Variants in MTUS2 observed in about 807,000 individuals in gnomAD.
MTUS2 encodes microtubule-associated tumor suppressor candidate 2.
Under a neutral mutation model 114.1 loss-of-function variants are expected in MTUS2, and 40 were observed. That is an observed-to-expected ratio of 0.35 (90% CI 0.27 to 0.46). MTUS2 has a LOEUF of 0.46. MTUS2 is among the 20% of genes least tolerant of loss of function. The pLI, the probability that MTUS2 is intolerant of heterozygous loss-of-function variation, is 1.00. For missense variants in MTUS2, 1,679 were observed against 1,705.4 expected, an observed-to-expected ratio of 0.98 and a Z score of 0.27; for synonymous variants, 688 against 672.0, an observed-to-expected ratio of 1.02 and a Z score of -0.37.
At chr13:29,412,282 G>A (rs1281633040) in intron 8 of MTUS2, among the ~76,000 whole-genome samples, 1 of 152,146 alleles carries the variant, frequency 6.6e-6, no homozygotes, top group Non-Finnish European at 1.5e-5. Flanking sequence ...GTTTTCTTGA[G>A]TGCTGTTAAC....
chr13:29,139,402 C>T (rs1892120990), intron 5 of MTUS2, among the ~76,000 whole-genome samples: 1 of 152,166 alleles, frequency 6.6e-6, no homozygotes, highest in Non-Finnish European at 1.5e-5. Flanking sequence ...CTTAGGGCCA[C>T]AGTTAGGCAA....
At chr13:29,366,187 T>C (rs1870697473) in intron 8 of MTUS2, among the ~76,000 whole-genome samples, 1 of 152,214 alleles carries the variant, frequency 6.6e-6, no homozygotes, top group African/African-American at 2.4e-5. Context: ...GAAAGAGGTT[T>C]AATGAACTCA....
intron 7 of MTUS2, among the ~76,000 whole-genome samples, chr13:29,348,290 A>T (rs9508397): frequency 0.73 from 110,449 of 151,440 alleles, 44,345 homozygotes; most frequent in East Asian, 0.9. Context: ...GAGCTTTGTG[A>T]CAGGAACTGG....
chr13:29,437,353 G>C (rs1877487503), intron 8 of MTUS2, among the ~76,000 whole-genome samples: 3 of 152,140 alleles, frequency 2.0e-5, no homozygotes. Flanking sequence ...AACGTGTTTA[G>C]GAATTAGAGA....
At chr13:28,901,890 A>G (rs1879667204) in intron 2 of MTUS2, among the ~76,000 whole-genome samples, 1 of 152,174 alleles carries the variant, frequency 6.6e-6, no homozygotes, top group South Asian at 2.1e-4. Context: ...ACAAACAAAA[A>G]CCTTGATGGG....
intron 5 of MTUS2, among the ~76,000 whole-genome samples, chr13:29,108,238 G>C (rs1233624266): frequency 6.6e-6 from 1 of 152,204 alleles, no homozygotes; most frequent in African/African-American, 2.4e-5. Flanking sequence ...GGTGGCTTGT[G>C]AGGTCAGACT....
intron 4 of MTUS2, among the ~76,000 whole-genome samples, chr13:29,054,228 G>A (rs1489687543): frequency 6.6e-6 from 1 of 152,076 alleles, no homozygotes; most frequent in Non-Finnish European, 1.5e-5. Flanking sequence ...TGAAGTGTGT[G>A]TTCAAATCCT....
chr13:29,048,999 C>G lies in MTUS2; in HGVS notation c.2446+14874C>G, dbSNP rs542246021. 2.5e-3 allele frequency among the ~76,000 whole-genome samples: 381 copies of G among 152,294 alleles called. 2 individuals carry two copies. Among genetic ancestry groups the G allele is most frequent in the African/African-American group, 8.8e-3 (364 of 41,572 alleles). On this transcript the variant is annotated intron_variant, in intron 4 of 15. Transcript: ENST00000612955. ...ATCATTCTGGGTTTTGCTTTTCAGC[C>G]TTATTAGGCGTGTACTGATCAGCAA...
At chr13:28,940,168 T>C (rs1020048554) in intron 2 of MTUS2, among the ~76,000 whole-genome samples, 12 of 152,142 alleles carry the variant, frequency 7.9e-5, no homozygotes, top group Non-Finnish European at 1.3e-4. Flanking sequence ...GTTTGTGCAG[T>C]CATGTTCACA....
Position 28,846,055 on chromosome 13 carries a change from A to AAAAT in MTUS2, c.-243+6206_-243+6207insAATA, listed in dbSNP as rs140946282. On this transcript the variant is annotated intron_variant, in intron 2 of 15. Transcript: ENST00000612955. ...TATGCAGTCTTTTTCTTAAAAAAAA[A>AAAAT]ATATATATATATATATATATTCCTC... 8.5e-3 allele frequency among the ~76,000 whole-genome samples: 1,219 copies of AAAAT among 143,150 alleles called. 8 individuals are homozygous for AAAAT. Among genetic ancestry groups the AAAAT allele is most frequent in the Non-Finnish European group, 0.012 (791 of 65,798 alleles). The allele number at this position is 143,150 out of a possible 152,430, so 93.9% of individuals were successfully genotyped here.
chr13:29,170,949 A>C (rs1239923008), intron 5 of MTUS2, among the ~76,000 whole-genome samples: 1 of 152,170 alleles, frequency 6.6e-6, no homozygotes, highest in African/African-American at 2.4e-5. Flanking sequence ...GTGGCTTACT[A>C]TTTCATGAAT....
chr13:29,212,061 T>G (rs1235955161), intron 5 of MTUS2, among the ~76,000 whole-genome samples: 1 of 152,196 alleles, frequency 6.6e-6, no homozygotes. Context: ...AGGTCTTTCT[T>G]TCATTGTGTA....
chr13:29,372,272 G>A (rs1425672334), intron 8 of MTUS2, among the ~76,000 whole-genome samples: 1 of 151,738 alleles, frequency 6.6e-6, no homozygotes, highest in East Asian at 1.9e-4. Flanking sequence ...AGCACCAACA[G>A]ACCAAAATAT....
At chr13:29,284,969 G>A (rs1275657959) in intron 6 of MTUS2, among the ~76,000 whole-genome samples, 1 of 152,048 alleles carries the variant, frequency 6.6e-6, no homozygotes, top group East Asian at 1.9e-4. Context: ...TCAGGTCTAG[G>A]ACAAGAAATG....
chr13:29,215,616 T>G (rs1218771003), intron 5 of MTUS2, among the ~76,000 whole-genome samples: 2 of 152,162 alleles, frequency 1.3e-5, no homozygotes, highest in Non-Finnish European at 2.9e-5. Flanking sequence ...CTAGTTTTCC[T>G]TCTAACAGTC....
intron 5 of MTUS2, among the ~76,000 whole-genome samples, chr13:29,173,488 A>G (rs970572448): frequency 2.0e-5 from 3 of 152,206 alleles, no homozygotes; most frequent in South Asian, 2.1e-4. Context: ...ATTTCCTTAT[A>G]AAGTTCTGGT....
chr13:29,018,682 C>T (rs1252149230), intron 2 of MTUS2, among the ~76,000 whole-genome samples: 1 of 152,060 alleles, frequency 6.6e-6, no homozygotes, highest in Non-Finnish European at 1.5e-5. Context: ...ACTGCTTGAG[C>T]CCAGGAAGCG....
chr13:29,336,266 A>G (rs1004093255), intron 7 of MTUS2, among the ~76,000 whole-genome samples: 2 of 150,830 alleles, frequency 1.3e-5, no homozygotes, highest in African/African-American at 5.0e-5. Context: ...GTTTTTCCTC[A>G]TCTTCATAGA....
At chr13:29,171,688 A>G (rs1893568966) in intron 5 of MTUS2, among the ~76,000 whole-genome samples, 1 of 152,224 alleles carries the variant, frequency 6.6e-6, no homozygotes, top group Non-Finnish European at 1.5e-5. Flanking sequence ...TGTAAAATAA[A>G]TCTGGAGATA....
Sources: gnomAD v4.1 joint callset for allele counts (sites outside exome capture counted in the v4.1 genomes callset) on GRCh38, gnomAD v4.1.1 for gene constraint, MANE v1.5 for transcripts, NCBI Gene and HGNC (gene_info 2026-07-23, HGNC 2026-07-21) for gene names.